Variants in BLTP2 observed in about 807,000 individuals in gnomAD.
BLTP2 encodes bridge-like lipid transfer protein family member 2.
chr17:28,642,876 C>T, the BLTP2 span: 1 of 1,580,060 alleles, frequency 6.3e-7, no homozygotes, highest in African/African-American at 1.3e-5. Context: ...TACCTTTTCC[C>T]ATCACTATCC....
the BLTP2 span, among the ~76,000 whole-genome samples, chr17:28,629,506 C>T: frequency 6.6e-6 from 1 of 152,078 alleles, no homozygotes; most frequent in South Asian, 2.1e-4. Context: ...GAAACAGAGT[C>T]TCACTCTTGT....
chr17:28,639,936 T>A, the BLTP2 span: 4 of 1,614,060 alleles, frequency 2.5e-6, no homozygotes, highest in Non-Finnish European at 3.4e-6. Context: ...CTGTGCCATA[T>A]CAGAGTTTGC....
chr17:28,643,365 T>A, the BLTP2 span: 3 of 1,600,920 alleles, frequency 1.9e-6, no homozygotes, highest in Non-Finnish European at 2.6e-6. Flanking sequence ...CATAGCAGTC[T>A]ATTCCCCACC....
chr17:28,628,305 A>G, the BLTP2 span: 8 of 1,614,144 alleles, frequency 5.0e-6, no homozygotes, highest in South Asian at 7.7e-5. Context: ...TGAAGCTGGG[A>G]GTGTTAACAC....
the BLTP2 span, chr17:28,642,412 G>A: frequency 8.4e-7 from 1 of 1,191,896 alleles, no homozygotes; most frequent in South Asian, 1.2e-5. Context: ...AGCACTTTGG[G>A]AGGCCAAGGT....
the BLTP2 span, among the ~76,000 whole-genome samples, chr17:28,640,878 TAA>T: frequency 1.3e-5 from 2 of 152,310 alleles, no homozygotes; most frequent in Admixed American, 1.3e-4. Context: ...TCTAAAAACC[TAA>T]AGAGTACAAG....
At chr17:28,637,972 G>T in the BLTP2 span, 1 of 1,614,204 alleles carries the variant, frequency 6.2e-7, no homozygotes, top group Non-Finnish European at 8.5e-7. Context: ...TCAGGGATAA[G>T]ATACGAGACA....
At chr17:28,618,699 C>A in the BLTP2 span, 2 of 932,504 alleles carry the variant, frequency 2.1e-6, no homozygotes, top group South Asian at 1.8e-5. Flanking sequence ...AATAATTAAC[C>A]CCCTTTTATT....
the BLTP2 span, chr17:28,628,256 C>T: frequency 4.3e-6 from 7 of 1,612,462 alleles, no homozygotes; most frequent in African/African-American, 1.3e-5. Flanking sequence ...CTCATCTCCC[C>T]GAGCTTACCT....
At chr17:28,628,925 C>G in the BLTP2 span, among the ~76,000 whole-genome samples, 5 of 149,446 alleles carry the variant, frequency 3.3e-5, no homozygotes, top group Non-Finnish European at 7.4e-5. Context: ...CAGAGAGAGA[C>G]GCAGTCTCAA....
chr17:28,635,981 G>T, the BLTP2 span: 1 of 179,560 alleles, frequency 5.6e-6, no homozygotes, highest in Non-Finnish European at 1.2e-5. Context: ...CTTTCTATCA[G>T]CAACTACACT....
the BLTP2 span, chr17:28,638,077 A>G: frequency 1.1e-5 from 18 of 1,614,028 alleles, no homozygotes; most frequent in East Asian, 2.9e-4. Flanking sequence ...ACAGGCCCAG[A>G]GGCTGGTTAT....
chr17:28,632,915 C>A, the BLTP2 span: 17 of 1,481,640 alleles, frequency 1.1e-5, no homozygotes, highest in Non-Finnish European at 1.3e-5. Flanking sequence ...AGCCCTTCCT[C>A]CCCACTGCCC....
the BLTP2 span, among the ~76,000 whole-genome samples, chr17:28,626,328 C>CT: frequency 6.6e-6 from 1 of 152,210 alleles, no homozygotes; most frequent in Non-Finnish European, 1.5e-5. Flanking sequence ...ACTCCTCTCC[C>CT]TTAGTTACTC....
the BLTP2 span, chr17:28,644,852 GC>G: frequency 3.1e-6 from 2 of 655,292 alleles, no homozygotes; most frequent in Non-Finnish European, 5.2e-6. Context: ...CTCGCCGCGC[GC>G]CCCCTCCCTC....
At chr17:28,637,882 G>A in the BLTP2 span, 1 of 1,614,116 alleles carries the variant, frequency 6.2e-7, no homozygotes, top group South Asian at 1.1e-5. Context: ...CGACCTTCAA[G>A]TCCACCTTCC....
chr17:28,630,191 CT>C, the BLTP2 span, among the ~76,000 whole-genome samples: 1 of 151,884 alleles, frequency 6.6e-6, no homozygotes, highest in Non-Finnish European at 1.5e-5. Flanking sequence ...GGGTCTCACT[CT>C]GTCACCCAGG....
chr17:28,636,681 C>T, the BLTP2 span, among the ~76,000 whole-genome samples: 3 of 151,876 alleles, frequency 2.0e-5, no homozygotes, highest in South Asian at 2.1e-4. Flanking sequence ...TAAAAACATA[C>T]GAGCTAGAAA....
At chr17:28,625,401 C>CA in the BLTP2 span, among the ~76,000 whole-genome samples, 2 of 128,930 alleles carry the variant, frequency 1.6e-5, no homozygotes, top group African/African-American at 5.8e-5. Flanking sequence ...TGGAAAAATA[C>CA]ATAAAAATAT....
Sources: allele counts gnomAD v4.1 joint callset (sites outside exome capture counted in the v4.1 genomes callset), GRCh38; gene constraint gnomAD v4.1.1; transcripts MANE v1.5; gene names NCBI Gene and HGNC (gene_info 2026-07-23, HGNC 2026-07-21).